ARHGAP24: variants seen among roughly 807,000 people sequenced by gnomAD.
ARHGAP24 encodes Rho GTPase activating protein 24.
ARHGAP24 carries 50 observed loss-of-function variants against 76.4 expected under a neutral mutation model. That is an observed-to-expected ratio of 0.65 (90% CI 0.52 to 0.83). ARHGAP24 has a LOEUF of 0.83. ARHGAP24 is among the 40% of genes least tolerant of loss of function. ARHGAP24 has a pLI of 0.00. For synonymous variants in ARHGAP24, 345 were observed against 323.3 expected, an observed-to-expected ratio of 1.07 and a Z score of -0.72; for missense variants, 930 against 914.2, an observed-to-expected ratio of 1.02 and a Z score of -0.22.
intron 3 of ARHGAP24, among the ~76,000 whole-genome samples, chr4:85,819,160 G>A (rs1254518727): frequency 6.6e-6 from 1 of 152,142 alleles, no homozygotes; most frequent in Non-Finnish European, 1.5e-5. Context: ...ATTGGTATAT[G>A]CTGATGGCCA....
chr4:85,676,616 AT>A (rs1438205621), intron 2 of ARHGAP24, among the ~76,000 whole-genome samples: 1 of 152,106 alleles, frequency 6.6e-6, no homozygotes, highest in African/African-American at 2.4e-5. Context: ...ATTGTTACCA[AT>A]GGTCCTTTTG....
chr4:85,743,689 A>G (rs1013930280), intron 3 of ARHGAP24, among the ~76,000 whole-genome samples: 6 of 152,150 alleles, frequency 3.9e-5, no homozygotes, highest in African/African-American at 1.2e-4. Context: ...TTCTTTTGTG[A>G]TAAGACACAC....
chr4:85,628,776 A>G (rs1193920530), intron 2 of ARHGAP24, among the ~76,000 whole-genome samples: 1 of 152,174 alleles, frequency 6.6e-6, no homozygotes, highest in African/African-American at 2.4e-5. Flanking sequence ...TTTGACTTGC[A>G]TTCTATCTTA....
chr4:85,638,359 GC>G (rs1721400616), intron 2 of ARHGAP24, among the ~76,000 whole-genome samples: 1 of 152,068 alleles, frequency 6.6e-6, no homozygotes, highest in South Asian at 2.1e-4. Flanking sequence ...TTAGAGACAA[GC>G]CTTTTGCAAT....
At chr4:85,934,198 T>C (rs1216342728) in intron 4 of ARHGAP24, among the ~76,000 whole-genome samples, 1 of 152,238 alleles carries the variant, frequency 6.6e-6, no homozygotes, top group East Asian at 1.9e-4. Flanking sequence ...AAGATTTTTA[T>C]GATCCCCTAT....
At chr4:85,565,028 T>C (rs1726783187) in intron 1 of ARHGAP24, among the ~76,000 whole-genome samples, 1 of 147,732 alleles carries the variant, frequency 6.8e-6, no homozygotes, top group Non-Finnish European at 1.5e-5. Context: ...TGCACTTGCA[T>C]GTATACCTAT....
At chr4:85,921,147 G>A (rs1300493010) in intron 3 of ARHGAP24, among the ~76,000 whole-genome samples, 1 of 152,180 alleles carries the variant, frequency 6.6e-6, no homozygotes. Context: ...TCAAATGACA[G>A]ACTGGATAAA....
chr4:85,667,677 C>G (rs1722684133), intron 2 of ARHGAP24, among the ~76,000 whole-genome samples: 1 of 152,132 alleles, frequency 6.6e-6, no homozygotes, highest in Admixed American at 6.6e-5. Context: ...TCTGTTCTTC[C>G]CTAATGTTCA....
At chr4:85,683,786 C>T (rs1323403360) in intron 2 of ARHGAP24, among the ~76,000 whole-genome samples, 2 of 152,172 alleles carry the variant, frequency 1.3e-5, no homozygotes, top group African/African-American at 4.8e-5. Flanking sequence ...CTCCTGGCAA[C>T]CATCTCTCTA....
intron 1 of ARHGAP24, among the ~76,000 whole-genome samples, chr4:85,514,521 A>G (rs1052284020): frequency 6.6e-6 from 1 of 152,060 alleles, no homozygotes; most frequent in African/African-American, 2.4e-5. Context: ...TATCCCCAGC[A>G]GTTCTATTAT....
At chr4:85,524,749 C>G (rs1438839332) in intron 1 of ARHGAP24, among the ~76,000 whole-genome samples, 1 of 152,218 alleles carries the variant, frequency 6.6e-6, no homozygotes, top group African/African-American at 2.4e-5. Flanking sequence ...TTCATCTCCC[C>G]TCTGTGTACA....
intron 8 of ARHGAP24, among the ~76,000 whole-genome samples, chr4:85,989,797 A>G (rs1216903726): frequency 1.4e-5 from 2 of 145,424 alleles, no homozygotes; most frequent in Non-Finnish European, 3.0e-5. Flanking sequence ...GCGGATGCAG[A>G]TAAAAAAATT....
intron 3 of ARHGAP24, among the ~76,000 whole-genome samples, chr4:85,830,811 C>T (rs1322175891): frequency 6.6e-6 from 1 of 152,152 alleles, no homozygotes; most frequent in African/African-American, 2.4e-5. Flanking sequence ...TCACTGGGCT[C>T]CTCAGTGGAC....
At chr4:85,917,747 CTGTT>C (rs925066241) in intron 3 of ARHGAP24, among the ~76,000 whole-genome samples, 7 of 152,036 alleles carry the variant, frequency 4.6e-5, no homozygotes, top group South Asian at 4.1e-4. Flanking sequence ...TTCTAAGAAA[CTGTT>C]TGTTTTTTAG....
intron 2 of ARHGAP24, among the ~76,000 whole-genome samples, chr4:85,709,567 A>G (rs573528588): frequency 2.6e-5 from 4 of 152,278 alleles, no homozygotes; most frequent in African/African-American, 9.6e-5. Flanking sequence ...TACTACTAGG[A>G]CTAAGTTAAG....
intron 8 of ARHGAP24, among the ~76,000 whole-genome samples, chr4:85,981,811 A>G (rs1304451609): frequency 3.9e-5 from 6 of 152,026 alleles, no homozygotes; most frequent in African/African-American, 1.4e-4. Flanking sequence ...ACTCCTTCAG[A>G]CCTTGCCATT....
chr4:85,669,181 A>G lies in ARHGAP24; in HGVS notation c.181-52704A>G, dbSNP rs565028196. Among the ~76,000 whole-genome samples the G allele has an allele frequency of 1.3e-4, 20 of 152,266 alleles. No individual in the cohort carries two copies. In the East Asian group the frequency reaches 3.7e-3, roughly 28 times the overall value. ...TGAGCTCTCAAAATTCACCTTTTAT[A>G]CTGGTGTCCATGCAGAAATTGCCTC... On this transcript the variant is annotated intron_variant, in intron 2 of 9. Coordinates refer to ENST00000395184, the MANE Select transcript of ARHGAP24 (RefSeq NM_001025616.3).
chr4:85,845,892 T>G lies in ARHGAP24; in HGVS notation c.269-77756T>G, dbSNP rs550669652. ...GGTTGTTTAAATTTAAGAATATAAT[T>G]TTTTTTCTTTTTCTTTTTCTTTTTT... On this transcript the variant is annotated intron_variant, in intron 3 of 9. Coordinates refer to ENST00000395184, the MANE Select transcript of ARHGAP24 (RefSeq NM_001025616.3). Among the ~76,000 whole-genome samples, 5 of 152,082 alleles carry G rather than the reference T, an allele frequency of 3.3e-5. No individual in the cohort carries two copies. In the East Asian group the frequency reaches 9.7e-4, roughly 29 times the overall value.
At chr4:85,729,110 G>A (rs1725289591) in intron 3 of ARHGAP24, among the ~76,000 whole-genome samples, 2 of 151,808 alleles carry the variant, frequency 1.3e-5, no homozygotes, top group East Asian at 1.9e-4. Context: ...TTACCCCAAA[G>A]CAGCTGTGAC....
Sources: gnomAD v4.1 joint callset for allele counts (sites outside exome capture counted in the v4.1 genomes callset) on GRCh38, gnomAD v4.1.1 for gene constraint, MANE v1.5 for transcripts, NCBI Gene and HGNC (gene_info 2026-07-23, HGNC 2026-07-21) for gene names.